The following DRAM1 variants were observed in gnomAD, a reference collection of about 807,000 sequenced individuals.
The protein encoded by DRAM1 is DNA damage-regulated autophagy modulator protein 1.
DRAM1 carries 25 observed loss-of-function variants against 28.5 expected under a neutral mutation model. The ratio of observed to expected loss-of-function variants is 0.88; its 90% CI spans 0.64 to 1.23. The LOEUF is 1.23. DRAM1 is among the 50% of genes most tolerant of loss of function. The pLI is 0.00. For synonymous variants in DRAM1, 113 were observed against 114.2 expected (o/e 0.99, Z 0.07); for missense variants, 249 against 299.2 (o/e 0.83, Z 1.24).
chr12:101,890,841 C>T (rs952887887), intron 1 of DRAM1, among the ~76,000 whole-genome samples: 1 of 150,772 alleles, frequency 6.6e-6, no homozygotes, highest in Middle Eastern at 3.2e-3. Flanking sequence ...ACCTCCACTT[C>T]CCGGGTTCAA....
intron 4 of DRAM1, among the ~76,000 whole-genome samples, chr12:101,913,468 G>A (rs1874114479): frequency 6.6e-6 from 1 of 152,056 alleles, no homozygotes; most frequent in Admixed American, 6.6e-5. Flanking sequence ...CACTTTGGGA[G>A]GCCGAGGTGG....
chr12:101,895,566 A>ATTTTTGGTT (rs61325494), intron 1 of DRAM1, among the ~76,000 whole-genome samples: 12,237 of 102,106 alleles, frequency 0.12, 1,568 homozygotes, highest in African/African-American at 0.17. Context: ...AAGGGAGGCT[A>ATTTTTGGTT]TTTTTTTTTT....
chr12:101,893,799 T>C (rs1483324439), intron 1 of DRAM1, among the ~76,000 whole-genome samples: 1 of 151,476 alleles, frequency 6.6e-6, no homozygotes, highest in East Asian at 1.9e-4. Flanking sequence ...CCAGTACTGA[T>C]ATTCATTCAA....
At chr12:101,914,069 C>T (rs1874142763) in intron 4 of DRAM1, 105 bp from the exon 5 acceptor site, 2 of 596,366 alleles carry the variant, frequency 3.4e-6, no homozygotes, top group African/African-American at 1.9e-5. Context: ...TTGGTATTAA[C>T]ATTTTAACAC....
At chr12:101,909,544 G>A (rs1873959503) in intron 4 of DRAM1, among the ~76,000 whole-genome samples, 1 of 152,100 alleles carries the variant, frequency 6.6e-6, no homozygotes, top group African/African-American at 2.4e-5. Flanking sequence ...GCACGTCGTA[G>A]GTGGCAAGAC....
At chr12:101,882,806 C>T (rs928312383) in intron 1 of DRAM1, among the ~76,000 whole-genome samples, 1 of 148,172 alleles carries the variant, frequency 6.7e-6, no homozygotes, top group African/African-American at 2.5e-5. Flanking sequence ...CAGATACACA[C>T]ACACCCCCCC....
chr12:101,898,473 T>G (rs1007445923), intron 2 of DRAM1, among the ~76,000 whole-genome samples: 1 of 152,156 alleles, frequency 6.6e-6, no homozygotes, highest in South Asian at 2.1e-4. Context: ...TAGGTGGTTT[T>G]AAATACCAAA....
In DRAM1 at chr12:101,914,346, A is replaced by G. The variant is rs2121157645; in HGVS notation, c.579+114A>G. ...CCTTAGAACAAGTTGCAAAATGTCA[A>G]ATAAACATGGCATGTAATCAATTTA... On this transcript the variant is annotated intron_variant, in intron 5 of 6. Transcript: ENST00000258534. 4 of 605,980 alleles carry G rather than the reference A, an allele frequency of 6.6e-6. No homozygotes were observed. The South Asian group carries it at 1.2e-4, about 19-fold the overall frequency. The allele number at this position is 605,980 out of a possible 1,614,324, so 37.5% of individuals were successfully genotyped here. A position where few individuals can be genotyped will look rare whatever the true frequency, so the allele number is the denominator to read the frequency against.
chr12:101,889,678 G>A lies in DRAM1; in HGVS notation c.132-8185G>A, dbSNP rs149803638. On this transcript the variant is annotated intron_variant, in intron 1 of 6. Transcript: ENST00000258534. The stretch of plus-strand genomic sequence containing the variant: ...TAGTGAGCAGGACGTGGTGGCTTAC[G>A]CCTGTAATCCCCACATTTTGGGAAG... 3.9e-5 allele frequency among the ~76,000 whole-genome samples: 6 copies of A among 152,222 alleles called. No individual in the cohort carries two copies. The South Asian group carries it at 6.2e-4, about 16-fold the overall frequency.
intron 5 of DRAM1, among the ~76,000 whole-genome samples, chr12:101,918,824 G>C (rs7972477): frequency 0.061 from 9,237 of 152,138 alleles, 593 homozygotes; most frequent in African/African-American, 0.17. Flanking sequence ...ATCAGAGGGG[G>C]CACACTGACA....
Position 101,877,809 on chromosome 12 carries a change from G to A in DRAM1, c.20G>A (p.Gly7Glu). Residue 7 changes from glycine to glutamate, a missense_variant, in exon 1 of 7, where the codon GGA becomes GAA. By Grantham distance (98) the Gly-to-Glu change is moderately conservative. Around this residue, in one of 3 missense-constraint regions of DRAM1, gnomAD observed 218 missense variants for 243.1 expected, o/e 0.90. Coordinates refer to ENST00000258534, the MANE Select transcript of DRAM1 (RefSeq NM_018370.3). This position sits in a 1 kb window ranked among gnomAD's most constrained non-coding sequence, Gnocchi z 4.1. ...GGCGCGATGCTGTGCTTCCTGAGGG[G>A]AATGGCTTTCGTCCCCTTCCTCTTG... MLCFLR[G>E]MAFVPFLLVT... 6.5e-7 allele frequency: 1 copy of A among 1,540,634 alleles called. No individual in the cohort carries two copies. Among genetic ancestry groups the A allele is most frequent in the Non-Finnish European group, 8.8e-7 (1 of 1,141,962 alleles).
rs1463349500 is a variant in DRAM1 at position 101,885,565 on chromosome 12, T to C, written c.131+7645T>C. ...TTTTTTTTGACAGAGTTTTGCTCTGTCACCCAGGCTGGAGAGCAGTGGCAT... is the reference window on the plus strand; with the variant it reads ...TTTTTTTTGACAGAGTTTTGCTCTGCCACCCAGGCTGGAGAGCAGTGGCAT... On this transcript the variant is annotated intron_variant, in intron 1 of 6. Transcript: ENST00000258534. Among the ~76,000 whole-genome samples, 3 of 145,042 alleles carry C rather than the reference T, an allele frequency of 2.1e-5. No individual in the cohort carries two copies. The Admixed American group carries it at 2.1e-4, about 10-fold the overall frequency.
chr12:101,899,510 A>G (rs10860815), intron 2 of DRAM1, among the ~76,000 whole-genome samples: 41,604 of 151,752 alleles, frequency 0.27, 6,211 homozygotes, highest in East Asian at 0.39. Flanking sequence ...TAAAAAAGAA[A>G]GAAAGAAAGA....
At chr12:101,883,172 A>G (rs1162641921) in intron 1 of DRAM1, among the ~76,000 whole-genome samples, 1 of 151,222 alleles carries the variant, frequency 6.6e-6, no homozygotes, top group Non-Finnish European at 1.5e-5. Context: ...TATTTGCATT[A>G]GCTTGCATAA....
chr12:101,889,180 T>A (rs571316345), intron 1 of DRAM1, among the ~76,000 whole-genome samples: 3 of 152,282 alleles, frequency 2.0e-5, no homozygotes, highest in African/African-American at 7.2e-5. Context: ...AGAACATGCA[T>A]TGAAGAGTTG....
intron 1 of DRAM1, among the ~76,000 whole-genome samples, chr12:101,893,438 G>A (rs1873214708): frequency 1.3e-5 from 2 of 152,314 alleles, no homozygotes; most frequent in South Asian, 4.1e-4. Flanking sequence ...AGAGCTGGCT[G>A]TTAAACACTG....
At chr12:101,891,046 G>T (rs1267674350) in intron 1 of DRAM1, among the ~76,000 whole-genome samples, 1 of 152,156 alleles carries the variant, frequency 6.6e-6, no homozygotes, top group Non-Finnish European at 1.5e-5. Context: ...ACCGCGCCCG[G>T]CCTGCCCCCC....
At chr12:101,881,628 C>A (rs185607065) in intron 1 of DRAM1, among the ~76,000 whole-genome samples, 4 of 152,316 alleles carry the variant, frequency 2.6e-5, no homozygotes, top group Admixed American at 2.6e-4. Context: ...GTGGCTGTTC[C>A]CTCTGCCAGG....
intron 1 of DRAM1, among the ~76,000 whole-genome samples, chr12:101,882,312 A>C (rs1163052004): frequency 6.7e-6 from 1 of 150,342 alleles, no homozygotes; most frequent in Non-Finnish European, 1.5e-5. Context: ...GGGTTTCACC[A>C]TGTTAGTCAG....
Sources: gnomAD v4.1 joint callset for allele counts (sites outside exome capture counted in the v4.1 genomes callset) on GRCh38, gnomAD v4.1.1 for gene constraint, gnomAD v4.1.1 regional missense constraint, Gnocchi (gnomAD v3.1) non-coding constraint, MANE v1.5 for transcripts, NCBI Gene and HGNC (gene_info 2026-07-23, HGNC 2026-07-21) for gene names.